NMBR: variants seen among roughly 807,000 people sequenced by gnomAD.
The protein encoded by NMBR is neuromedin-B receptor.
A neutral mutation model predicts 20.5 loss-of-function variants in NMBR; 16 were observed. The ratio of observed to expected loss-of-function variants is 0.78; its 90% confidence interval spans 0.53 to 1.19. The LOEUF is 1.19. Ranked by LOEUF, NMBR falls within the 50% of genes most tolerant of loss-of-function variation. The pLI, the probability that NMBR is intolerant of heterozygous loss-of-function variation, is 0.00. For synonymous variants in NMBR, 212 were observed against 196.6 expected, an observed-to-expected ratio of 1.08 and a Z score of -0.65; for missense variants, 582 against 499.1, an observed-to-expected ratio of 1.17 and a Z score of -1.58.
chr6:142,124,668 G>T (rs116781909), intron 1 of NMBR, among the ~76,000 whole-genome samples: 2,059 of 151,868 alleles, frequency 0.014, 57 homozygotes, highest in African/African-American at 0.046. Context: ...AAAAGAAATT[G>T]TTATATGTGT....
chr6:142,096,232 T>C (rs1299534446), intron 1 of NMBR, among the ~76,000 whole-genome samples: 1 of 152,194 alleles, frequency 6.6e-6, no homozygotes, highest in Non-Finnish European at 1.5e-5. Flanking sequence ...CTAGTTCTTT[T>C]AATTGTGATG....
At chr6:142,095,958 C>T (rs1481209761) in intron 1 of NMBR, among the ~76,000 whole-genome samples, 1 of 152,114 alleles carries the variant, frequency 6.6e-6, no homozygotes, top group African/African-American at 2.4e-5. Context: ...TTACAGTATT[C>T]TCTGATGGTA....
chr6:142,133,159 A>T, intron 1 of NMBR: 2 of 679,492 alleles, frequency 2.9e-6, no homozygotes, highest in East Asian at 5.4e-5. Context: ...CTCCTGAGAC[A>T]TGTCTCTAAA....
In NMBR at chr6:142,093,356, T is replaced by C. The variant is rs552054325; in HGVS notation, c.-663-4035A>G. ...TGTGATGTTCCCCTTCCTGTGTCCA[T>C]GTGTTCTCATTGTTCAATTCCCACC... On this transcript the variant is annotated intron_variant, in intron 1 of 3. Coordinates refer to ENST00000258042, the MANE Select transcript of NMBR (RefSeq NM_002511.4). 3.7e-5 allele frequency among the ~76,000 whole-genome samples: 5 copies of C among 134,724 alleles called. No individual in the cohort carries two copies. The Admixed American group carries it at 4.2e-4, about 11-fold the overall frequency. The allele number at this position is 134,724 out of a possible 152,430, so 88.4% of individuals were successfully genotyped here. A position where few individuals can be genotyped will look rare whatever the true frequency, so the allele number is the denominator to read the frequency against.
At chr6:142,145,035 A>AC (rs1384252913) in intron 1 of NMBR, among the ~76,000 whole-genome samples, 1 of 151,340 alleles carries the variant, frequency 6.6e-6, no homozygotes, top group Non-Finnish European at 1.5e-5. Flanking sequence ...AAAAAAAAAA[A>AC]AAAAGAAAGA....
At chr6:142,105,015 A>G (rs1777633226) in intron 1 of NMBR, among the ~76,000 whole-genome samples, 1 of 151,928 alleles carries the variant, frequency 6.6e-6, no homozygotes, top group Non-Finnish European at 1.5e-5. Flanking sequence ...CGGGAAGAAT[A>G]TTACAAAGCA....
intron 2 of NMBR, among the ~76,000 whole-genome samples, chr6:142,081,430 T>C: frequency 6.6e-6 from 1 of 152,196 alleles, no homozygotes; most frequent in African/African-American, 2.4e-5. Flanking sequence ...GCAAGAAACC[T>C]AGCAGAAATG....
chr6:142,133,295 T>A, intron 1 of NMBR: 2 of 495,800 alleles, frequency 4.0e-6, no homozygotes, highest in Non-Finnish European at 7.2e-6. Flanking sequence ...TCTACATCTA[T>A]GGAGAATACT....
chr6:142,088,142 C>T (rs953308541), intron 2 of NMBR, 95 bp downstream of exon 2: 6 of 1,250,936 alleles, frequency 4.8e-6, no homozygotes, highest in South Asian at 1.4e-5. Flanking sequence ...CCTTTCCTTG[C>T]GTCCTTCTGC....
intron 1 of NMBR, among the ~76,000 whole-genome samples, chr6:142,125,788 T>C (rs951607530): frequency 9.2e-5 from 14 of 151,886 alleles, no homozygotes; most frequent in African/African-American, 3.4e-4. Context: ...GATATTCATA[T>C]ACATTGTGAA....
chr6:142,086,118 G>T (rs139446873), intron 2 of NMBR, among the ~76,000 whole-genome samples: 1 of 150,638 alleles, frequency 6.6e-6, no homozygotes, highest in Non-Finnish European at 1.5e-5. Context: ...CTTATACCAA[G>T]AATTGTAATA....
intron 1 of NMBR, among the ~76,000 whole-genome samples, chr6:142,122,463 T>C (rs1332741271): frequency 6.6e-6 from 1 of 151,944 alleles, no homozygotes; most frequent in Admixed American, 6.6e-5. Context: ...CTATAGCAAG[T>C]TATGCAGAAG....
At chr6:142,099,350 A>C (rs938222881) in intron 1 of NMBR, among the ~76,000 whole-genome samples, 1 of 152,212 alleles carries the variant, frequency 6.6e-6, no homozygotes, top group African/African-American at 2.4e-5. Context: ...AACAGGAAGC[A>C]TGACTGGGAG....
chr6:142,079,074 G>A (rs894269112), intron 2 of NMBR, among the ~76,000 whole-genome samples, 171 bp from the exon 3 acceptor site: 67 of 122,836 alleles, frequency 5.5e-4, no homozygotes, highest in African/African-American at 1.9e-3. Context: ...GAGAGAAAGA[G>A]AGAAAGAAAG....
Position 142,088,847 on chromosome 6 carries a change from C to CG in NMBR, c.-190dup. 1 of 533,276 alleles carries CG rather than the reference C, an allele frequency of 1.9e-6. No homozygotes were observed. Among genetic ancestry groups the CG allele is most frequent in the East Asian group, 2.9e-5 (1 of 34,634 alleles). 33.0% of individuals were successfully genotyped at this position (533,276 alleles called of 1,614,324 possible). ...CTGGGGAGGGGTCTGTCCACACACTCGGGCGCTCCGCTTCTAGAGGGGGGA... is the reference window on the plus strand; with the variant it reads ...CTGGGGAGGGGTCTGTCCACACACTCGGGGCGCTCCGCTTCTAGAGGGGGGA... On this transcript the variant is annotated 5_prime_UTR_variant, in exon 2 of 4. Coordinates refer to ENST00000258042, the MANE Select transcript of NMBR (RefSeq NM_002511.4).
chr6:142,078,601 C>T lies in NMBR; in HGVS notation c.725G>A (p.Ser242Asn), dbSNP rs1014575743. 1 of 1,611,250 alleles carries T rather than the reference C, an allele frequency of 6.2e-7. No homozygotes were observed. Among genetic ancestry groups the T allele is most frequent in the Non-Finnish European group, 8.5e-7 (1 of 1,178,670 alleles). Residue 242 changes from serine to asparagine, a missense_variant, in exon 3 of 4, where the codon AGC becomes AAC. Coordinates refer to ENST00000258042, the MANE Select transcript of NMBR (RefSeq NM_002511.4). ...YYHIAKTLIKSAHNLPGEYNE... is the reference protein window; with the variant it reads ...YYHIAKTLIKNAHNLPGEYNE... The stretch of plus-strand genomic sequence containing the variant: ...GTATTCTCCAGGAAGATTGTGTGCG[C>T]TTTTAATTAAGGTCTTTGCAATATG...
intron 1 of NMBR, among the ~76,000 whole-genome samples, chr6:142,110,196 A>G (rs1283906325): frequency 6.6e-6 from 1 of 152,196 alleles, no homozygotes; most frequent in Non-Finnish European, 1.5e-5. Context: ...TAAAATTACT[A>G]CATTATCCAG....
chr6:142,121,684 T>G (rs1200183888), intron 1 of NMBR, among the ~76,000 whole-genome samples: 1 of 151,848 alleles, frequency 6.6e-6, no homozygotes, highest in Non-Finnish European at 1.5e-5. Flanking sequence ...ACAGAAACCT[T>G]TTATTCCCTC....
Position 142,088,816 on chromosome 6 carries a change from C to G in NMBR, c.-158G>C. The G allele has an allele frequency of 1.5e-6, 1 of 653,552 alleles. No individual in the cohort carries two copies. Among genetic ancestry groups the G allele is most frequent in the Non-Finnish European group, 2.6e-6 (1 of 386,834 alleles). The allele number at this position is 653,552 out of a possible 1,614,324, so 40.5% of individuals were successfully genotyped here. ...TCACAGCACCACGTCCCTAAGAGTT[C>G]AGGACCTGGGGAGGGGTCTGTCCAC... On this transcript the variant is annotated 5_prime_UTR_variant, in exon 2 of 4. Coordinates refer to ENST00000258042, the MANE Select transcript of NMBR (RefSeq NM_002511.4).
Sources: gnomAD v4.1 joint callset for allele counts (sites outside exome capture counted in the v4.1 genomes callset) on GRCh38, gnomAD v4.1.1 for gene constraint, MANE v1.5 for transcripts, NCBI Gene and HGNC (gene_info 2026-07-23, HGNC 2026-07-21) for gene names.